The following ANTXR1 variants were observed in gnomAD, a reference collection of about 807,000 sequenced individuals.
The protein encoded by ANTXR1 is ANTXR cell adhesion molecule 1.
A neutral mutation model predicts 78.1 loss-of-function variants in ANTXR1; 19 were observed. The observed-to-expected ratio is 0.24, with a 90% CI of 0.17 to 0.36. The LOEUF (loss-of-function observed/expected upper bound fraction) is 0.36. ANTXR1 is among the 10% of genes least tolerant of loss of function. The pLI is 1.00. For synonymous variants in ANTXR1, 273 were observed against 260.5 expected (o/e 1.05, Z -0.46); for missense variants, 518 against 718.6 (o/e 0.72, Z 3.19).
chr2:69,219,612 A>G (rs183845309), intron 17 of ANTXR1, among the ~76,000 whole-genome samples: 14 of 152,180 alleles, frequency 9.2e-5, no homozygotes, highest in Admixed American at 3.9e-4. Flanking sequence ...AAACAAGTTC[A>G]TTTTCTTTGT....
At chr2:69,103,127 G>T (rs1028656724) in intron 10 of ANTXR1, 187 bp downstream of exon 10, 1 of 684,880 alleles carries the variant, frequency 1.5e-6, no homozygotes, top group Non-Finnish European at 2.6e-6. Flanking sequence ...CACCACTTGG[G>T]TGGGCACAGC....
At chr2:69,211,778 T>C (rs1391260558) in intron 17 of ANTXR1, among the ~76,000 whole-genome samples, 1 of 152,230 alleles carries the variant, frequency 6.6e-6, no homozygotes, top group East Asian at 1.9e-4. Flanking sequence ...TAAGAAGGGC[T>C]TCCCCTAGTG....
intron 16 of ANTXR1, among the ~76,000 whole-genome samples, chr2:69,188,699 C>A (rs1173222452): frequency 1.3e-5 from 2 of 152,230 alleles, no homozygotes; most frequent in South Asian, 2.1e-4. Flanking sequence ...AGCAGTTGGG[C>A]ATTTTGCCAG....
intron 6 of ANTXR1, 106 bp from the exon 7 acceptor site, chr2:69,075,484 G>A (rs1374453325): frequency 9.3e-7 from 1 of 1,071,462 alleles, no homozygotes; most frequent in Non-Finnish European, 1.5e-6. Flanking sequence ...CAGGCACATG[G>A]TAGGTGCTCA....
intron 17 of ANTXR1, among the ~76,000 whole-genome samples, chr2:69,236,976 CTTT>C (rs905095757): frequency 1.3e-5 from 2 of 152,106 alleles, no homozygotes; most frequent in African/African-American, 4.8e-5. Flanking sequence ...TTCTCCCTTC[CTTT>C]TTTTGTGTAT....
chr2:69,099,504 T>A (rs1671543038), intron 9 of ANTXR1, among the ~76,000 whole-genome samples: 1 of 152,260 alleles, frequency 6.6e-6, no homozygotes, highest in Admixed American at 6.5e-5. Context: ...TGTTTAACTT[T>A]GTAGAAGAAC....
At chr2:69,043,492 G>A (rs1423586423) in intron 2 of ANTXR1, among the ~76,000 whole-genome samples, 1 of 152,198 alleles carries the variant, frequency 6.6e-6, no homozygotes, top group Non-Finnish European at 1.5e-5. Context: ...TGCTGGGGAA[G>A]TAGTCCCAGG....
Position 69,187,952 on chromosome 2 carries a change from ACT to A in ANTXR1, c.1353+5296_1353+5297del, listed in dbSNP as rs1674460453. 3.4e-5 allele frequency among the ~76,000 whole-genome samples: 5 copies of A among 148,478 alleles called. No individual in the cohort carries two copies. The South Asian group carries it at 1.1e-3, about 31-fold the overall frequency. ...TTATAGTGGCCTTATAAGTTGAACT[ACT>A]CTCAGAATTCTCAATCTCTGACTGT... On this transcript the variant is annotated intron_variant, in intron 16 of 17. Coordinates refer to ENST00000303714, the MANE Select transcript of ANTXR1 (RefSeq NM_032208.3).
At chr2:69,199,262 T>G (rs1445369664) in intron 17 of ANTXR1, among the ~76,000 whole-genome samples, 1 of 152,172 alleles carries the variant, frequency 6.6e-6, no homozygotes, top group Non-Finnish European at 1.5e-5. Flanking sequence ...GAATTAGCAT[T>G]TCTAACAAAC....
chr2:69,207,465 G>A (rs534576832), intron 17 of ANTXR1, among the ~76,000 whole-genome samples: 17 of 152,236 alleles, frequency 1.1e-4, no homozygotes, highest in African/African-American at 2.2e-4. Context: ...AGCACTGCCC[G>A]AAGAGAGAGA....
chr2:69,068,117 C>T (rs1050775809), intron 3 of ANTXR1, among the ~76,000 whole-genome samples: 20 of 152,030 alleles, frequency 1.3e-4, no homozygotes, highest in African/African-American at 4.4e-4. Flanking sequence ...GAATGAGTAA[C>T]AGTGGAGACA....
intron 12 of ANTXR1, among the ~76,000 whole-genome samples, chr2:69,149,689 G>T (rs1673339274): frequency 6.6e-6 from 1 of 152,120 alleles, no homozygotes; most frequent in Admixed American, 6.5e-5. Context: ...AGAACTAGAG[G>T]GAGAGCGAGT....
At chr2:69,203,626 C>G (rs945919109) in intron 17 of ANTXR1, among the ~76,000 whole-genome samples, 1 of 152,126 alleles carries the variant, frequency 6.6e-6, no homozygotes. Context: ...TATGGTTGAG[C>G]AATCTTCCTC....
At chr2:69,103,820 C>T (rs929361114) in intron 10 of ANTXR1, 3 of 154,414 alleles carry the variant, frequency 1.9e-5, no homozygotes, top group Non-Finnish European at 2.9e-5. Flanking sequence ...TATGTACCTT[C>T]TAAATGCTTC....
At chr2:69,180,835 C>T (rs1674255819) in intron 14 of ANTXR1, among the ~76,000 whole-genome samples, 1 of 152,160 alleles carries the variant, frequency 6.6e-6, no homozygotes, top group Admixed American at 6.5e-5. Context: ...GAGACCGCGG[C>T]TACTTTAGAA....
chr2:69,129,571 G>A (rs1261708097), intron 12 of ANTXR1, among the ~76,000 whole-genome samples: 1 of 152,108 alleles, frequency 6.6e-6, no homozygotes, highest in Non-Finnish European at 1.5e-5. Context: ...GGCCAACATG[G>A]TGAAACCCTG....
intron 1 of ANTXR1, among the ~76,000 whole-genome samples, chr2:69,017,317 A>G (rs1671052924): frequency 6.6e-6 from 1 of 151,882 alleles, no homozygotes; most frequent in Non-Finnish European, 1.5e-5. Context: ...AAAAATGCTG[A>G]CTCATTTTTT....
intron 10 of ANTXR1, among the ~76,000 whole-genome samples, chr2:69,118,271 G>A (rs1672218444): frequency 8.0e-6 from 1 of 124,338 alleles, no homozygotes; most frequent in South Asian, 2.7e-4. Context: ...AATTTAATTA[G>A]CCAGGTGTGG....
intron 12 of ANTXR1, among the ~76,000 whole-genome samples, chr2:69,133,442 A>C (rs1035217829): frequency 1.3e-5 from 2 of 152,200 alleles, no homozygotes; most frequent in Non-Finnish European, 2.9e-5. Context: ...AATGAGGCAA[A>C]ACTGAACTGG....
Sources: gnomAD v4.1 joint callset for allele counts (sites outside exome capture counted in the v4.1 genomes callset) on GRCh38, gnomAD v4.1.1 for gene constraint, MANE v1.5 for transcripts, NCBI Gene and HGNC (gene_info 2026-07-23, HGNC 2026-07-21) for gene names.